ABHD3: variants seen among roughly 807,000 people sequenced by gnomAD.
The protein encoded by ABHD3 is abhydrolase domain containing 3, phospholipase.
A neutral mutation model predicts 48.8 loss-of-function variants in ABHD3; 46 were observed. The ratio of observed to expected loss-of-function variants is 0.94; its 90% CI spans 0.74 to 1.20. The LOEUF (loss-of-function observed/expected upper bound fraction) is 1.20. ABHD3 is among the 50% of genes most tolerant of loss of function. The pLI, the probability that ABHD3 is intolerant of heterozygous loss-of-function variation, is 0.00. For missense variants in ABHD3, 490 were observed against 497.8 expected, an observed-to-expected ratio of 0.98 and a Z score of 0.15; for synonymous variants, 192 against 183.7, an observed-to-expected ratio of 1.04 and a Z score of -0.36.
chr18:21,680,471 G>GA (rs2039980052), intron 4 of ABHD3, among the ~76,000 whole-genome samples: 1 of 152,184 alleles, frequency 6.6e-6, no homozygotes, highest in Non-Finnish European at 1.5e-5. Context: ...TTGAACTTGG[G>GA]ACTTCTGAGT....
intron 4 of ABHD3, among the ~76,000 whole-genome samples, chr18:21,679,901 T>C (rs560965776): frequency 9.8e-5 from 15 of 152,290 alleles, no homozygotes; most frequent in East Asian, 3.9e-4. Context: ...CTTGAACTCC[T>C]GGGCTCAAGT....
chr18:21,695,231 T>C (rs1202942117), intron 3 of ABHD3, among the ~76,000 whole-genome samples: 3 of 152,180 alleles, frequency 2.0e-5, no homozygotes, highest in Non-Finnish European at 4.4e-5. Flanking sequence ...GGTTTCACCA[T>C]GTTGGCCAGG....
intron 6 of ABHD3, among the ~76,000 whole-genome samples, chr18:21,657,875 T>A (rs1343009962): frequency 1.3e-5 from 2 of 151,680 alleles, no homozygotes; most frequent in East Asian, 3.9e-4. Context: ...AAATTAAAAA[T>A]AAAAAAAATT....
At chr18:21,691,175 C>A (rs908308834) in intron 3 of ABHD3, among the ~76,000 whole-genome samples, 3 of 151,992 alleles carry the variant, frequency 2.0e-5, no homozygotes, top group South Asian at 2.1e-4. Context: ...AACTTCATGA[C>A]AAGAGGTCAA....
intron 8 of ABHD3, among the ~76,000 whole-genome samples, chr18:21,652,858 T>A (rs1301313983): frequency 6.9e-6 from 1 of 145,834 alleles, no homozygotes; most frequent in East Asian, 2.0e-4. Context: ...ATCAAGACCA[T>A]CCTGGCCAAC....
intron 4 of ABHD3, among the ~76,000 whole-genome samples, chr18:21,670,292 A>G (rs776293977): frequency 1.2e-4 from 19 of 152,142 alleles, no homozygotes; most frequent in Non-Finnish European, 1.0e-4. Context: ...GGGGGTAAGG[A>G]TGTAGCACCA....
intron 4 of ABHD3, among the ~76,000 whole-genome samples, chr18:21,676,299 T>C (rs2039880650): frequency 6.6e-6 from 1 of 152,262 alleles, no homozygotes; most frequent in Non-Finnish European, 1.5e-5. Flanking sequence ...GTAATGTATA[T>C]GTTGATTAGC....
intron 5 of ABHD3, among the ~76,000 whole-genome samples, chr18:21,662,648 T>C (rs1344160342): frequency 6.6e-6 from 1 of 152,116 alleles, no homozygotes; most frequent in African/African-American, 2.4e-5. Context: ...AGAAAAAATG[T>C]GTCAAGATAT....
At chr18:21,679,012 TAGG>T (rs1159120341) in intron 4 of ABHD3, among the ~76,000 whole-genome samples, 1 of 152,234 alleles carries the variant, frequency 6.6e-6, no homozygotes. Context: ...TTGCCACTCC[TAGG>T]AGAACTGCTT....
chr18:21,704,357 C>CCG (rs905636643), intron 1 of ABHD3, 147 bp downstream of exon 1: 4 of 894,758 alleles, frequency 4.5e-6, no homozygotes, highest in Non-Finnish European at 4.4e-6. Flanking sequence ...GTTGGCTTTC[C>CCG]CGCGCGCGCT....
intron 4 of ABHD3, chr18:21,682,639 C>A (rs2040030181): frequency 6.6e-6 from 1 of 152,228 alleles, no homozygotes; most frequent in Admixed American, 6.5e-5. Flanking sequence ...CATACCACGG[C>A]TCTGCTGAAT....
chr18:21,692,833 A>G, intron 3 of ABHD3, among the ~76,000 whole-genome samples: 1 of 152,226 alleles, frequency 6.6e-6, no homozygotes, highest in Admixed American at 6.5e-5. Context: ...TTTGTCAATA[A>G]AACACCCAGT....
intron 3 of ABHD3, among the ~76,000 whole-genome samples, chr18:21,692,012 T>C (rs1345351420): frequency 6.6e-6 from 1 of 152,236 alleles, no homozygotes; most frequent in Non-Finnish European, 1.5e-5. Flanking sequence ...AATGCAATGG[T>C]GCAATCTCAG....
intron 4 of ABHD3, among the ~76,000 whole-genome samples, chr18:21,670,600 A>G (rs966103051): frequency 6.6e-6 from 1 of 152,222 alleles, no homozygotes; most frequent in Non-Finnish European, 1.5e-5. Flanking sequence ...GTACAGATGC[A>G]GACCAATGGG....
intron 3 of ABHD3, among the ~76,000 whole-genome samples, chr18:21,697,276 T>C (rs1471135020): frequency 1.3e-5 from 2 of 152,026 alleles, no homozygotes; most frequent in African/African-American, 2.4e-5. Flanking sequence ...GGTGTCACCA[T>C]ATTGGCAAGG....
At chr18:21,663,818 CAGA>C (rs1481946672) in intron 5 of ABHD3, 4 of 1,530,214 alleles carry the variant, frequency 2.6e-6, no homozygotes, top group Non-Finnish European at 3.5e-6. Context: ...CGTCAGGAAT[CAGA>C]AGGTCAACAT....
chr18:21,676,091 C>T (rs1371399390), intron 4 of ABHD3, among the ~76,000 whole-genome samples: 2 of 152,156 alleles, frequency 1.3e-5, no homozygotes, highest in African/African-American at 2.4e-5. Flanking sequence ...CTCCAAAGGC[C>T]GTGCCTCCTA....
intron 3 of ABHD3, among the ~76,000 whole-genome samples, chr18:21,700,952 C>CAAA (rs34993965): frequency 0.019 from 1,550 of 81,490 alleles, 76 homozygotes; most frequent in African/African-American, 0.035. Context: ...GATTTGGCCT[C>CAAA]AAAAAAAAAA....
intron 4 of ABHD3, among the ~76,000 whole-genome samples, chr18:21,675,264 T>G (rs2039852705): frequency 1.7e-5 from 1 of 59,392 alleles, no homozygotes; most frequent in African/African-American, 8.3e-5. Context: ...TGAGGTGGGT[T>G]TTTTTTTTTT....
Sources: allele counts gnomAD v4.1 joint callset (sites outside exome capture counted in the v4.1 genomes callset), GRCh38; gene constraint gnomAD v4.1.1; transcripts MANE v1.5; gene names NCBI Gene and HGNC (gene_info 2026-07-23, HGNC 2026-07-21).